The following KCNK9 variants were observed in gnomAD, a reference collection of about 807,000 sequenced individuals.
The protein encoded by KCNK9 is potassium channel subfamily K member 9.
KCNK9 carries 1 observed loss-of-function variant against 10.8 expected under a neutral mutation model. The ratio of observed to expected loss-of-function variants is 0.09; its 90% CI spans 0.03 to 0.44. The LOEUF (loss-of-function observed/expected upper bound fraction) is 0.44, where lower values mean the gene tolerates loss of function less well. KCNK9 is among the 20% of genes least tolerant of loss of function. The pLI, the probability that KCNK9 is intolerant of heterozygous loss-of-function variation, is 0.97. For missense variants in KCNK9, 303 were observed against 515.0 expected (o/e 0.59, Z 3.98); for synonymous variants, 231 against 222.7 (o/e 1.04, Z -0.33).
chr8:139,688,842 A>C (rs1272537424), intron 1 of KCNK9, among the ~76,000 whole-genome samples: 1 of 152,234 alleles, frequency 6.6e-6, no homozygotes, highest in Admixed American at 6.5e-5. Context: ...GCCCAGAACT[A>C]GGTGCTTTCA....
intron 1 of KCNK9, among the ~76,000 whole-genome samples, chr8:139,651,234 C>T (rs1453386085): frequency 6.6e-6 from 1 of 152,230 alleles, no homozygotes; most frequent in Non-Finnish European, 1.5e-5. Flanking sequence ...ATCCATTCAA[C>T]CTGCACAGTC....
chr8:139,662,879 G>A (rs4736289), intron 1 of KCNK9, among the ~76,000 whole-genome samples: 57,043 of 136,980 alleles, frequency 0.42, 15,404 homozygotes, highest in East Asian at 0.86. Flanking sequence ...GGGAAGGGGG[G>A]GGGGCTGGAG....
chr8:139,629,921 C>T (rs530735505), intron 1 of KCNK9, among the ~76,000 whole-genome samples: 1 of 152,044 alleles, frequency 6.6e-6, no homozygotes, highest in African/African-American at 2.4e-5. Context: ...GTGTGAATTT[C>T]GGGGGGCACA....
At chr8:139,633,470 G>T (rs755310629) in intron 1 of KCNK9, among the ~76,000 whole-genome samples, 3 of 152,166 alleles carry the variant, frequency 2.0e-5, no homozygotes, top group African/African-American at 4.8e-5. Context: ...CTTGCCCAAG[G>T]ACACACGACT....
intron 1 of KCNK9, among the ~76,000 whole-genome samples, chr8:139,654,350 C>T (rs944088817): frequency 2.6e-5 from 4 of 152,222 alleles, no homozygotes; most frequent in African/African-American, 9.7e-5. Flanking sequence ...AGCTGCTGAA[C>T]AGGACGCTGG....
intron 1 of KCNK9, among the ~76,000 whole-genome samples, chr8:139,685,588 C>T (rs928120916): frequency 1.2e-4 from 19 of 152,190 alleles, no homozygotes; most frequent in African/African-American, 4.6e-4. Flanking sequence ...CATCTTCATC[C>T]ATGTCCCTGC....
intron 1 of KCNK9, among the ~76,000 whole-genome samples, chr8:139,653,975 A>C (rs1815944034): frequency 6.6e-6 from 1 of 152,210 alleles, no homozygotes; most frequent in Non-Finnish European, 1.5e-5. Context: ...ACCCAGGGGA[A>C]GTAGAGGCCC....
intron 1 of KCNK9, among the ~76,000 whole-genome samples, chr8:139,678,901 C>T (rs1484370642): frequency 6.6e-6 from 1 of 152,250 alleles, no homozygotes; most frequent in Non-Finnish European, 1.5e-5. Flanking sequence ...ACAGCTAAAT[C>T]CAGCTTTTAC....
intron 1 of KCNK9, among the ~76,000 whole-genome samples, chr8:139,654,246 G>A (rs1815952460): frequency 6.6e-6 from 1 of 152,230 alleles, no homozygotes; most frequent in Non-Finnish European, 1.5e-5. Context: ...ATACTTACAT[G>A]GAAAACACAA....
At chr8:139,636,896 T>A (rs763302858) in intron 1 of KCNK9, among the ~76,000 whole-genome samples, 2 of 152,122 alleles carry the variant, frequency 1.3e-5, no homozygotes, top group Non-Finnish European at 2.9e-5. Flanking sequence ...CATGGAAGGG[T>A]CACTCCTGTC....
intron 1 of KCNK9, among the ~76,000 whole-genome samples, chr8:139,701,964 T>C (rs1383130087): frequency 6.6e-6 from 1 of 152,148 alleles, no homozygotes; most frequent in Non-Finnish European, 1.5e-5. Context: ...CTGGGCAATG[T>C]CTAGACTGGC....
intron 1 of KCNK9, among the ~76,000 whole-genome samples, chr8:139,660,950 C>T (rs1047017626): frequency 5.9e-5 from 9 of 152,210 alleles, no homozygotes; most frequent in African/African-American, 2.2e-4. Flanking sequence ...CCTCAACCCC[C>T]AGCTTGTGAC....
chr8:139,678,053 A>C (rs913257193), intron 1 of KCNK9, among the ~76,000 whole-genome samples: 1 of 131,940 alleles, frequency 7.6e-6, no homozygotes, highest in East Asian at 2.0e-4. Context: ...GACCCAGCCC[A>C]TCCAGGCCCA....
intron 1 of KCNK9, among the ~76,000 whole-genome samples, chr8:139,677,256 C>T (rs1816570723): frequency 6.6e-6 from 1 of 152,126 alleles, no homozygotes; most frequent in Non-Finnish European, 1.5e-5. Flanking sequence ...TCTCCTATCA[C>T]CTGTGGGGGT....
At chr8:139,690,374 C>T (rs146553835) in intron 1 of KCNK9, among the ~76,000 whole-genome samples, 2 of 152,266 alleles carry the variant, frequency 1.3e-5, no homozygotes, top group Admixed American at 6.5e-5. Flanking sequence ...CATGGGCATG[C>T]CATAAACAAT....
intron 1 of KCNK9, among the ~76,000 whole-genome samples, chr8:139,698,964 A>T (rs1041546149): frequency 6.6e-6 from 1 of 152,068 alleles, no homozygotes; most frequent in Non-Finnish European, 1.5e-5. Flanking sequence ...CTCAATCCCC[A>T]CAGCAACCAC....
At chr8:139,641,868 G>C (rs1157725324) in intron 1 of KCNK9, among the ~76,000 whole-genome samples, 1 of 152,170 alleles carries the variant, frequency 6.6e-6, no homozygotes, top group East Asian at 1.9e-4. Flanking sequence ...AGAAGACAGA[G>C]TGAGCACTCA....
At chr8:139,661,934 G>T (rs1816160655) in intron 1 of KCNK9, among the ~76,000 whole-genome samples, 1 of 152,250 alleles carries the variant, frequency 6.6e-6, no homozygotes, top group African/African-American at 2.4e-5. Flanking sequence ...GGGAGGGACT[G>T]CTGGCTGCTG....
chr8:139,638,795 T>C (rs1815412045), intron 1 of KCNK9, among the ~76,000 whole-genome samples: 1 of 151,992 alleles, frequency 6.6e-6, no homozygotes, highest in Non-Finnish European at 1.5e-5. Flanking sequence ...TCCCTGGGAG[T>C]CCCCAGGTTC....
Sources: allele counts gnomAD v4.1 joint callset (sites outside exome capture counted in the v4.1 genomes callset), GRCh38; gene constraint gnomAD v4.1.1; transcripts MANE v1.5; gene names NCBI Gene and HGNC (gene_info 2026-07-23, HGNC 2026-07-21).